The following NLGN1 variants were observed in gnomAD, a reference collection of about 807,000 sequenced individuals.
The protein encoded by NLGN1 is neuroligin-1.
In NLGN1, 12 loss-of-function variants were observed where a neutral mutation model predicts 65.5. The ratio of observed to expected loss-of-function variants is 0.18; its 90% CI spans 0.12 to 0.30. NLGN1 has a LOEUF of 0.30. NLGN1 is among the 10% of genes least tolerant of loss of function. NLGN1 has a pLI of 1.00. For missense variants in NLGN1, 750 were observed against 1,007.1 expected (o/e 0.74, Z 3.46); for synonymous variants, 350 against 359.5 (o/e 0.97, Z 0.30).
chr3:173,415,325 GA>G (rs1189917963), intron 1 of NLGN1, among the ~76,000 whole-genome samples: 2 of 152,178 alleles, frequency 1.3e-5, no homozygotes, highest in East Asian at 1.9e-4. Context: ...CAGGAAGTAG[GA>G]GGGGGGATAA....
chr3:174,255,707 G>A (rs923936526), intron 4 of NLGN1, among the ~76,000 whole-genome samples: 2 of 150,918 alleles, frequency 1.3e-5, no homozygotes, highest in African/African-American at 4.9e-5. Context: ...CGCCCAGGCC[G>A]GAGTGCAATA....
At chr3:174,220,146 G>T (rs1016189160) in intron 4 of NLGN1, among the ~76,000 whole-genome samples, 6 of 152,088 alleles carry the variant, frequency 3.9e-5, no homozygotes, top group African/African-American at 1.4e-4. Flanking sequence ...TTGAGCACCT[G>T]GATGAGTTTG....
intron 2 of NLGN1, among the ~76,000 whole-genome samples, chr3:173,453,371 T>A (rs529701520): frequency 1.3e-5 from 2 of 151,568 alleles, no homozygotes; most frequent in South Asian, 4.2e-4. Flanking sequence ...GTGCTGGGAT[T>A]GGGATTGGTA....
At chr3:173,660,559 C>T (rs1396523348) in intron 3 of NLGN1, among the ~76,000 whole-genome samples, 1 of 151,670 alleles carries the variant, frequency 6.6e-6, no homozygotes, top group Non-Finnish European at 1.5e-5. Flanking sequence ...GCATTACAGT[C>T]AATTAAGGGG....
At chr3:173,509,324 C>T (rs575390374) in intron 2 of NLGN1, among the ~76,000 whole-genome samples, 10 of 152,208 alleles carry the variant, frequency 6.6e-5, no homozygotes, top group East Asian at 3.9e-4. Context: ...TCCCATTTGA[C>T]GCTTTTTTCC....
intron 3 of NLGN1, among the ~76,000 whole-genome samples, chr3:173,632,429 C>T (rs980816118): frequency 6.6e-6 from 1 of 152,084 alleles, no homozygotes. Context: ...TTGGTGCATC[C>T]AAATCTGTGG....
chr3:173,400,105 T>C (rs1303134442), intron 1 of NLGN1, among the ~76,000 whole-genome samples: 1 of 152,248 alleles, frequency 6.6e-6, no homozygotes, highest in Non-Finnish European at 1.5e-5. Flanking sequence ...ACATATACCT[T>C]TGCCACATTT....
chr3:173,453,973 C>T (rs1035949065), intron 2 of NLGN1, among the ~76,000 whole-genome samples: 1 of 152,152 alleles, frequency 6.6e-6, no homozygotes, highest in Non-Finnish European at 1.5e-5. Context: ...AAATGTATTT[C>T]TTAAATAATA....
intron 2 of NLGN1, among the ~76,000 whole-genome samples, chr3:173,495,297 G>A (rs1479532168): frequency 2.6e-5 from 4 of 151,190 alleles, no homozygotes; most frequent in Non-Finnish European, 5.9e-5. Flanking sequence ...GGTTTCTCCT[G>A]GTATATAAAA....
intron 3 of NLGN1, among the ~76,000 whole-genome samples, chr3:173,632,422 G>A (rs1011313636): frequency 4.6e-5 from 7 of 152,062 alleles, no homozygotes; most frequent in Non-Finnish European, 1.0e-4. Flanking sequence ...ACAAATTTTG[G>A]TGCATCCAAA....
At chr3:173,842,209 G>A (rs1724912698) in intron 4 of NLGN1, among the ~76,000 whole-genome samples, 3 of 152,142 alleles carry the variant, frequency 2.0e-5, no homozygotes, top group Non-Finnish European at 4.4e-5. Flanking sequence ...GAAAAGACGA[G>A]CCCACATAAT....
intron 4 of NLGN1, among the ~76,000 whole-genome samples, chr3:173,956,582 TG>T (rs1712096643): frequency 6.6e-6 from 1 of 152,176 alleles, no homozygotes; most frequent in South Asian, 2.1e-4. Context: ...AGGACTTCAC[TG>T]GGGACTCTTC....
chr3:174,219,612 C>T (rs561006529), intron 4 of NLGN1, among the ~76,000 whole-genome samples: 13 of 152,234 alleles, frequency 8.5e-5, no homozygotes, highest in South Asian at 2.1e-4. Context: ...CTGCTTAGTA[C>T]ATCGTAGGAG....
intron 3 of NLGN1, among the ~76,000 whole-genome samples, chr3:173,780,613 A>C (rs1780979613): frequency 6.6e-6 from 1 of 152,204 alleles, no homozygotes; most frequent in Non-Finnish European, 1.5e-5. Context: ...TAAAACTCCA[A>C]TTCATTTATT....
At chr3:174,222,745 T>A (rs1738892048) in intron 4 of NLGN1, among the ~76,000 whole-genome samples, 1 of 152,134 alleles carries the variant, frequency 6.6e-6, no homozygotes, top group South Asian at 2.1e-4. Flanking sequence ...ATAAGACACA[T>A]GTAAATGTAA....
intron 3 of NLGN1, among the ~76,000 whole-genome samples, chr3:173,684,584 T>C (rs1764421941): frequency 6.6e-6 from 1 of 152,196 alleles, no homozygotes; most frequent in Non-Finnish European, 1.5e-5. Flanking sequence ...AAGAACCCAA[T>C]TTTTAAAATG....
At chr3:174,255,606 A>T (rs189704523) in intron 4 of NLGN1, among the ~76,000 whole-genome samples, 1 of 143,736 alleles carries the variant, frequency 7.0e-6, no homozygotes, top group Admixed American at 6.8e-5. Flanking sequence ...TTATTATAGA[A>T]CTAAGTCTTT....
At chr3:173,882,699 G>A (rs911337149) in intron 4 of NLGN1, among the ~76,000 whole-genome samples, 2 of 152,178 alleles carry the variant, frequency 1.3e-5, no homozygotes, top group Non-Finnish European at 2.9e-5. Context: ...TGGCTTAAGG[G>A]AATATTGTTG....
At chr3:173,519,599 T>G (rs1734421924) in intron 2 of NLGN1, among the ~76,000 whole-genome samples, 1 of 152,232 alleles carries the variant, frequency 6.6e-6, no homozygotes, top group South Asian at 2.1e-4. Context: ...TCCTGCTGGG[T>G]TTTGAACTTG....
Sources: gnomAD v4.1 joint callset for allele counts (sites outside exome capture counted in the v4.1 genomes callset) on GRCh38, gnomAD v4.1.1 for gene constraint, MANE v1.5 for transcripts, NCBI Gene and HGNC (gene_info 2026-07-23, HGNC 2026-07-21) for gene names.